SEL1L3: variants seen among roughly 807,000 people sequenced by gnomAD.
SEL1L3 encodes protein sel-1 homolog 3.
In SEL1L3, 76 loss-of-function variants were observed where a neutral mutation model predicts 142.8. The ratio of observed to expected loss-of-function variants is 0.53; its 90% CI spans 0.44 to 0.64. The LOEUF (loss-of-function observed/expected upper bound fraction) is 0.64. Among genes scored for constraint, SEL1L3 ranks in the 30% least tolerant of loss-of-function variants. SEL1L3 has a pLI of 0.00. For missense variants in SEL1L3, 1,262 were observed against 1,381.7 expected (o/e 0.91, Z 1.37); for synonymous variants, 504 against 519.6 (o/e 0.97, Z 0.41).
At chr4:25,786,876 G>A (rs1577601259) in intron 13 of SEL1L3, among the ~76,000 whole-genome samples, 1 of 152,360 alleles carries the variant, frequency 6.6e-6, no homozygotes, top group Admixed American at 6.5e-5. Flanking sequence ...GGCTTTGATA[G>A]GGTAGGGAGG....
At chr4:25,782,910 C>T (rs1471430928) in intron 14 of SEL1L3, among the ~76,000 whole-genome samples, 1 of 152,148 alleles carries the variant, frequency 6.6e-6, no homozygotes, top group African/African-American at 2.4e-5. Flanking sequence ...AGCACAGGTG[C>T]TCTCTCTTTG....
intron 2 of SEL1L3, among the ~76,000 whole-genome samples, chr4:25,835,559 T>C (rs1456535763): frequency 1.3e-5 from 2 of 152,252 alleles, no homozygotes; most frequent in African/African-American, 4.8e-5. Context: ...ATTAGTTCCA[T>C]TCTACAGATG....
At chr4:25,785,825 A>G (rs1711783065) in intron 13 of SEL1L3, among the ~76,000 whole-genome samples, 1 of 152,150 alleles carries the variant, frequency 6.6e-6, no homozygotes, top group African/African-American at 2.4e-5. Flanking sequence ...ATCTTCTCCA[A>G]CTCTTTTTTG....
chr4:25,747,175 C>T (rs371861260), downstream of SEL1L3, among the ~76,000 whole-genome samples: 3 of 152,232 alleles, frequency 2.0e-5, no homozygotes, highest in African/African-American at 7.2e-5. Context: ...ACATAGAGCC[C>T]AGGCTCAGAG....
intron 5 of SEL1L3, among the ~76,000 whole-genome samples, chr4:25,830,646 A>G (rs1715374651): frequency 6.6e-6 from 1 of 152,146 alleles, no homozygotes; most frequent in African/African-American, 2.4e-5. Flanking sequence ...ATTTTTTGTC[A>G]TGAATGCTGT....
At chr4:25,800,321 T>C (rs1713088889) in intron 11 of SEL1L3, among the ~76,000 whole-genome samples, 1 of 152,244 alleles carries the variant, frequency 6.6e-6, no homozygotes, top group Non-Finnish European at 1.5e-5. Flanking sequence ...TTACCCATTC[T>C]TAAGAAAATG....
intron 21 of SEL1L3, 182 bp from the exon 22 acceptor site, chr4:25,757,972 C>G (rs1189132479): frequency 1.3e-5 from 8 of 594,128 alleles, no homozygotes; most frequent in Non-Finnish European, 2.1e-5. Flanking sequence ...TTGGCCTGAT[C>G]TGAAATTCTA....
chr4:25,774,111 T>C (rs144706020), intron 17 of SEL1L3, among the ~76,000 whole-genome samples: 67 of 152,242 alleles, frequency 4.4e-4, no homozygotes, highest in African/African-American at 1.4e-3. Flanking sequence ...TATCAGGCAA[T>C]TGACATGTAA....
At chr4:25,758,818 GTTTTTGTT>G in intron 21 of SEL1L3, 115 bp downstream of exon 21, 1 of 1,103,058 alleles carries the variant, frequency 9.1e-7, no homozygotes, top group South Asian at 1.8e-5. Flanking sequence ...CCTGCTTTTT[GTTTTTGTT>G]TTTTAAATAA....
intron 2 of SEL1L3, 82 bp from the exon 3 acceptor site, chr4:25,835,405 G>A: frequency 6.8e-7 from 1 of 1,480,316 alleles, no homozygotes. Flanking sequence ...GAAAGCCTCT[G>A]CTGAGCTCCA....
At chr4:25,741,247 G>T in the SEL1L3 span, among the ~76,000 whole-genome samples, 1 of 151,832 alleles carries the variant, frequency 6.6e-6, no homozygotes, top group Non-Finnish European at 1.5e-5. Context: ...TGGATTACAG[G>T]CAGCCACCAC....
In SEL1L3 at chr4:25,833,000, C is replaced by G. The variant is rs1249889880; in HGVS notation, c.1093G>C (p.Gly365Arg). The change falls in exon 5 of 24, where the codon GGC becomes CGC. Residue 365 changes from glycine to arginine, a missense_variant. Physicochemically the swap from Gly to Arg is moderately radical, Grantham distance 125. This residue lies in a region of SEL1L3 where 689 missense variants were observed against 692.8 expected (regional missense o/e 0.99). Coordinates refer to ENST00000399878, the MANE Select transcript of SEL1L3 (RefSeq NM_015187.5). Reference protein sequence around the residue: ...WFRLDISFNGGQIVVTTSIGQ... With the variant: ...WFRLDISFNGRQIVVTTSIGQ... Reference sequence around the variant, plus strand: ...TGAAGCGTGCATACAGATACCTGGCCTCCGTTAAAAGAGATATCCAGTCGA... The same window carrying G: ...TGAAGCGTGCATACAGATACCTGGCGTCCGTTAAAAGAGATATCCAGTCGA... 6.3e-7 allele frequency: 1 copy of G among 1,581,248 alleles called. No individual in the cohort carries two copies. The highest frequency in any genetic ancestry group is 1.3e-5 in the African/African-American group (1 of 74,254).
intron 1 of SEL1L3, among the ~76,000 whole-genome samples, chr4:25,849,111 C>A (rs568241008): frequency 6.6e-6 from 1 of 152,098 alleles, no homozygotes; most frequent in Non-Finnish European, 1.5e-5. Context: ...TGCACTCCAC[C>A]CTGGGCAACA....
At position 25,795,807 on chromosome 4, in the gene SEL1L3, C is replaced by T. The variant is rs1374916517; in HGVS notation, c.1957-5233G>A. ...GAGGCCTTCTGTGAAAGCAGACCACCTATTAACACAAAGACTTCGGAGGCA... is the reference window on the plus strand; with the variant it reads ...GAGGCCTTCTGTGAAAGCAGACCACTTATTAACACAAAGACTTCGGAGGCA... On this transcript the variant is annotated intron_variant, in intron 11 of 23. Transcript: ENST00000399878. 2.6e-5 allele frequency among the ~76,000 whole-genome samples: 4 copies of T among 152,130 alleles called. No homozygotes were observed. The East Asian group carries it at 5.8e-4, about 22-fold the overall frequency.
intron 20 of SEL1L3, among the ~76,000 whole-genome samples, chr4:25,763,268 A>C (rs1347549596): frequency 1.3e-5 from 2 of 152,164 alleles, no homozygotes; most frequent in African/African-American, 4.8e-5. Context: ...TGCCTTTAGC[A>C]GTAACTCCTT....
chr4:25,763,738 G>T (rs545470398), intron 20 of SEL1L3, among the ~76,000 whole-genome samples: 19 of 152,244 alleles, frequency 1.2e-4, no homozygotes, highest in African/African-American at 4.3e-4. Context: ...TACTTAGGAG[G>T]CTGAGGTAGG....
intron 2 of SEL1L3, among the ~76,000 whole-genome samples, chr4:25,836,164 C>T (rs750306575): frequency 1.2e-4 from 19 of 152,094 alleles, no homozygotes; most frequent in African/African-American, 3.4e-4. Context: ...TTCACAAACA[C>T]GAAAGAATTC....
chr4:25,780,885 G>A (rs2109168312), intron 15 of SEL1L3, among the ~76,000 whole-genome samples: 1 of 150,034 alleles, frequency 6.7e-6, no homozygotes, highest in African/African-American at 2.4e-5. Context: ...GAGTACAGTG[G>A]CACAATCTTA....
At chr4:25,777,865 C>A in intron 16 of SEL1L3, 1 of 455,942 alleles carries the variant, frequency 2.2e-6, no homozygotes, top group Non-Finnish European at 4.4e-6. Context: ...GTGAGGGTGG[C>A]CTAAAACAGA....
Sources: gnomAD v4.1 joint callset for allele counts (sites outside exome capture counted in the v4.1 genomes callset) on GRCh38, gnomAD v4.1.1 for gene constraint, gnomAD v4.1.1 regional missense constraint, MANE v1.5 for transcripts, NCBI Gene and HGNC (gene_info 2026-07-23, HGNC 2026-07-21) for gene names.